The following ST3GAL3 variants were observed in gnomAD, a reference collection of about 807,000 sequenced individuals.
ST3GAL3 encodes CMP-N-acetylneuraminate-beta-1,4-galactoside alpha-2,3-sialyltransferase.
A neutral mutation model predicts 50.1 loss-of-function variants in ST3GAL3; 21 were observed. The ratio of observed to expected loss-of-function variants is 0.42; its 90% CI spans 0.30 to 0.60. The LOEUF (loss-of-function observed/expected upper bound fraction) is 0.60. Ranked by LOEUF, ST3GAL3 falls within the 20% of genes least tolerant of loss-of-function variation. ST3GAL3 has a pLI of 0.19. For synonymous variants in ST3GAL3, 183 were observed against 190.0 expected, an observed-to-expected ratio of 0.96 and a Z score of 0.30; for missense variants, 353 against 489.4, an observed-to-expected ratio of 0.72 and a Z score of 2.63.
At chr1:43,713,522 A>ATTTTTTTTT (rs556526111) in intron 1 of ST3GAL3, among the ~76,000 whole-genome samples, 1 of 122,174 alleles carries the variant, frequency 8.2e-6, no homozygotes, top group East Asian at 2.4e-4. Context: ...ACGTTGTGGG[A>ATTTTTTTTT]TTTTTTTTTT....
rs1003019943 is a variant in ST3GAL3 at position 43,838,324 on chromosome 1, G to A, written c.302+13G>A. 6.2e-7 allele frequency: 1 copy of A among 1,612,042 alleles called. No homozygotes were observed. Among genetic ancestry groups the A allele is most frequent in the South Asian group, 1.1e-5 (1 of 91,052 alleles). Reference sequence around the variant, plus strand: ...CCATCTTCCCCCGGTAAGTGCTCCTGTTTCCCTCCACTGCCTAGACAGCCT... The same window carrying A: ...CCATCTTCCCCCGGTAAGTGCTCCTATTTCCCTCCACTGCCTAGACAGCCT... On this transcript the variant is annotated intron_variant, in intron 5 of 11. Transcript: ENST00000347631.
rs146938947 is a variant in ST3GAL3 at position 43,851,371 on chromosome 1, C to T, written c.302+13060C>T. Reference sequence around the variant, plus strand: ...CCAGGGCAGTTACACTCAAAGTTTGCAGGGGAGCCTGAGCAAGGCTGGACG... The same window carrying T: ...CCAGGGCAGTTACACTCAAAGTTTGTAGGGGAGCCTGAGCAAGGCTGGACG... On this transcript the variant is annotated intron_variant, in intron 5 of 11. Coordinates refer to ENST00000347631, the MANE Select transcript of ST3GAL3 (RefSeq NM_006279.5). 1.4e-4 allele frequency: 219 copies of T among 1,589,382 alleles called. No homozygotes were observed. In the East Asian group the frequency reaches 3.3e-3, roughly 24 times the overall value.
chr1:43,784,686 T>A (rs577523580), intron 2 of ST3GAL3, among the ~76,000 whole-genome samples: 1 of 152,320 alleles, frequency 6.6e-6, no homozygotes, highest in East Asian at 1.9e-4. Flanking sequence ...TCTGTATATG[T>A]TTGGTAAGTT....
chr1:43,761,872 ACCC>A (rs1317263584), intron 2 of ST3GAL3, among the ~76,000 whole-genome samples: 1 of 147,714 alleles, frequency 6.8e-6, no homozygotes, highest in Admixed American at 6.9e-5. Flanking sequence ...AATAGCGTGA[ACCC>A]AGGAGGCGGA....
intron 5 of ST3GAL3, 154 bp downstream of exon 5, chr1:43,838,465 G>T: frequency 1.4e-6 from 1 of 720,438 alleles, no homozygotes; most frequent in Non-Finnish European, 2.5e-6. Flanking sequence ...TCCTACTCCA[G>T]TCCTACTCCA....
chr1:43,715,794 C>A (rs1191841321), intron 1 of ST3GAL3, among the ~76,000 whole-genome samples: 2 of 152,134 alleles, frequency 1.3e-5, no homozygotes, highest in Non-Finnish European at 2.9e-5. Flanking sequence ...TCTCAAAAAT[C>A]ACAATAACCC....
chr1:43,840,996 G>A (rs1291599830), intron 5 of ST3GAL3: 1 of 152,268 alleles, frequency 6.6e-6, no homozygotes, highest in Non-Finnish European at 1.5e-5. Context: ...ACCCAGCAAG[G>A]CAGTCATTAA....
At chr1:43,718,371 A>G (rs1339724328) in intron 1 of ST3GAL3, among the ~76,000 whole-genome samples, 1 of 150,094 alleles carries the variant, frequency 6.7e-6, no homozygotes, top group African/African-American at 2.5e-5. Context: ...TTGTATTTTT[A>G]GTAGAGATGG....
intron 5 of ST3GAL3, among the ~76,000 whole-genome samples, chr1:43,857,848 T>G (rs1222516110): frequency 3.3e-5 from 5 of 152,090 alleles, no homozygotes; most frequent in Non-Finnish European, 5.9e-5. Context: ...ACTCCTGACC[T>G]CAGGTGATCC....
chr1:43,765,419 CCTAA>C (rs1692188126), intron 2 of ST3GAL3, among the ~76,000 whole-genome samples: 2 of 152,156 alleles, frequency 1.3e-5, no homozygotes, highest in Admixed American at 6.5e-5. Context: ...TGTGGTCCCA[CCTAA>C]CTGAGAGGAG....
At chr1:43,790,871 C>T (rs548943863) in intron 2 of ST3GAL3, among the ~76,000 whole-genome samples, 1 of 152,004 alleles carries the variant, frequency 6.6e-6, no homozygotes, top group South Asian at 2.1e-4. Context: ...CTCTTGACCT[C>T]GTGATCCACC....
chr1:43,715,218 G>T (rs1666777303), intron 1 of ST3GAL3, among the ~76,000 whole-genome samples: 1 of 152,012 alleles, frequency 6.6e-6, no homozygotes, highest in Admixed American at 6.6e-5. Flanking sequence ...TTTCATGTTT[G>T]TGAGTATTGT....
intron 1 of ST3GAL3, 140 bp downstream of exon 1, chr1:43,707,833 C>G (rs1439631858): frequency 6.6e-6 from 1 of 152,184 alleles, no homozygotes; most frequent in Non-Finnish European, 1.5e-5. Flanking sequence ...CCCGGGAAGG[C>G]GGGGTCGGGG....
At chr1:43,716,300 C>T (rs1057307057) in intron 1 of ST3GAL3, among the ~76,000 whole-genome samples, 4 of 152,198 alleles carry the variant, frequency 2.6e-5, no homozygotes, top group Admixed American at 2.0e-4. Flanking sequence ...CTGAGAACAA[C>T]AACATTTTTG....
intron 5 of ST3GAL3, chr1:43,894,062 A>G (rs2077016666): frequency 2.5e-6 from 1 of 395,346 alleles, no homozygotes; most frequent in African/African-American, 2.1e-5. Context: ...AGCAGTGACT[A>G]TTTGATGAAT....
chr1:43,822,271 A>C (rs12741189), intron 4 of ST3GAL3, among the ~76,000 whole-genome samples: 54,395 of 152,056 alleles, frequency 0.36, 10,706 homozygotes, highest in East Asian at 0.59. Context: ...CTGGTGTCCA[A>C]GTGTGACTTT....
At chr1:43,709,004 A>C (rs1449598441) in intron 1 of ST3GAL3, among the ~76,000 whole-genome samples, 1 of 152,234 alleles carries the variant, frequency 6.6e-6, no homozygotes, top group East Asian at 1.9e-4. Flanking sequence ...TGGTCTCTAG[A>C]ATTCCAAGAT....
intron 5 of ST3GAL3, among the ~76,000 whole-genome samples, chr1:43,859,767 A>G (rs1205471881): frequency 1.3e-5 from 2 of 152,182 alleles, no homozygotes; most frequent in Non-Finnish European, 2.9e-5. Context: ...AGCTCTGATG[A>G]GGGCTGGCTC....
At chr1:43,763,062 A>G (rs1260510400) in intron 2 of ST3GAL3, among the ~76,000 whole-genome samples, 1 of 152,210 alleles carries the variant, frequency 6.6e-6, no homozygotes, top group Non-Finnish European at 1.5e-5. Context: ...TTGCAAAATG[A>G]TATATGCACA....
Sources: gnomAD v4.1 joint callset for allele counts (sites outside exome capture counted in the v4.1 genomes callset) on GRCh38, gnomAD v4.1.1 for gene constraint, MANE v1.5 for transcripts, NCBI Gene and HGNC (gene_info 2026-07-23, HGNC 2026-07-21) for gene names.